Variants in FER1L5 observed in about 807,000 individuals in gnomAD.
FER1L5 encodes the protein fer-1-like protein 5.
In FER1L5, 187 loss-of-function variants were observed where a neutral mutation model predicts 279.9. That is an observed-to-expected ratio of 0.67 (90% CI 0.59 to 0.75). The LOEUF (loss-of-function observed/expected upper bound fraction) is 0.75, where lower values mean the gene tolerates loss of function less well. Among genes scored for constraint, FER1L5 ranks in the 30% least tolerant of loss-of-function variants. The pLI is 0.00. For missense variants in FER1L5, 2,091 were observed against 2,594.4 expected, an observed-to-expected ratio of 0.81 and a Z score of 4.21; for synonymous variants, 921 against 989.7, an observed-to-expected ratio of 0.93 and a Z score of 1.30.
chr2:96,685,440 G>T lies in FER1L5; in HGVS notation c.1895+11G>T, dbSNP rs1445894943. 6 of 1,547,000 alleles carry T rather than the reference G, an allele frequency of 3.9e-6. No homozygotes were observed. The South Asian group carries it at 7.2e-5, about 18-fold the overall frequency. Reference sequence around the variant, plus strand: ...GGCAGAGGACTGCAAGTAGGAGTAGGGGCACTCCGGGATACAGCTGGCCTG... The same window carrying T: ...GGCAGAGGACTGCAAGTAGGAGTAGTGGCACTCCGGGATACAGCTGGCCTG... On this transcript the variant is annotated intron_variant, in intron 21 of 52. Coordinates refer to ENST00000624922, the MANE Select transcript of FER1L5 (RefSeq NM_001293083.2).
At position 96,642,833 on chromosome 2, in the gene FER1L5, C is replaced by G. The variant is rs1486815190; in HGVS notation, c.-4C>G. On this transcript the variant is annotated 5_prime_UTR_variant, in exon 1 of 53. Coordinates refer to ENST00000624922, the MANE Select transcript of FER1L5 (RefSeq NM_001293083.2). ...GGAAGGAGGGAAGAAAGTAGGTCTC[C>G]GAGATGCTGCGGCTTGTGGTGCAGT... 1.9e-6 allele frequency: 3 copies of G among 1,550,378 alleles called. No individual in the cohort carries two copies. The highest frequency in any genetic ancestry group is 2.6e-6 in the Non-Finnish European group (3 of 1,146,402).
chr2:96,696,118 A>T, intron 37 of FER1L5, 41 bp downstream of exon 37: 1 of 1,612,170 alleles, frequency 6.2e-7, no homozygotes, highest in South Asian at 1.1e-5. Context: ...CATACTGTTG[A>T]CGGGGTATAA....
chr2:96,695,689 C>G (rs1558922315), intron 35 of FER1L5, 28 bp downstream of exon 35: 1 of 1,605,726 alleles, frequency 6.2e-7, no homozygotes, highest in African/African-American at 1.3e-5. Context: ...AGGGGCTGGG[C>G]AGCCCTCTTC....
chr2:96,690,930 C>T (rs2077117204), intron 27 of FER1L5, among the ~76,000 whole-genome samples: 1 of 152,276 alleles, frequency 6.6e-6, no homozygotes. Flanking sequence ...AAGATGCAAG[C>T]TTTGCTGCTT....
intron 1 of FER1L5, among the ~76,000 whole-genome samples, chr2:96,644,289 T>A (rs1215256887): frequency 6.7e-6 from 1 of 149,448 alleles, no homozygotes; most frequent in African/African-American, 2.5e-5. Flanking sequence ...CCATCCTGGC[T>A]AACACGGTGA....
At chr2:96,688,071 G>A in intron 24 of FER1L5, 124 bp downstream of exon 24, 2 of 1,303,370 alleles carry the variant, frequency 1.5e-6, no homozygotes, top group Non-Finnish European at 2.1e-6. Context: ...TGTAGCTGCA[G>A]TAGCCCTGCA....
At chr2:96,676,895 C>T (rs918269998) in intron 19 of FER1L5, among the ~76,000 whole-genome samples, 7 of 151,928 alleles carry the variant, frequency 4.6e-5, no homozygotes, top group African/African-American at 1.4e-4. Context: ...CTCACTCTGT[C>T]GCCCAGGCCG....
intron 1 of FER1L5, among the ~76,000 whole-genome samples, chr2:96,644,392 G>A (rs1469512892): frequency 2.0e-5 from 3 of 152,086 alleles, no homozygotes; most frequent in African/African-American, 7.2e-5. Context: ...GCTGTCAGGA[G>A]AATGGCGTGA....
intron 13 of FER1L5, among the ~76,000 whole-genome samples, chr2:96,662,648 C>T (rs932293496): frequency 1.3e-5 from 2 of 152,092 alleles, no homozygotes; most frequent in African/African-American, 2.4e-5. Context: ...TGATGGGTGT[C>T]ATGGGTAAAA....
chr2:96,701,808 C>T (rs1303902777), intron 45 of FER1L5, 147 bp from the exon 46 acceptor site: 4 of 679,218 alleles, frequency 5.9e-6, no homozygotes, highest in Admixed American at 5.7e-5. Flanking sequence ...TGGTCACCTG[C>T]GGCCTCACAG....
At position 96,663,524 on chromosome 2, in the gene FER1L5, A is replaced by T; in HGVS notation, c.1140+17A>T. On this transcript the variant is annotated intron_variant, in intron 14 of 52. Coordinates refer to ENST00000624922, the MANE Select transcript of FER1L5 (RefSeq NM_001293083.2). ...CGGATTCAGGTATGGCTCCTCCATC[A>T]TGCCCACCCTTCTCCCACATCCCCT... The T allele has an allele frequency of 6.4e-7, 1 of 1,551,098 alleles. No homozygotes were observed. Among genetic ancestry groups the T allele is most frequent in the Non-Finnish European group, 8.7e-7 (1 of 1,146,490 alleles).
Position 96,693,532 on chromosome 2 carries a change from A to C in FER1L5, c.3319A>C (p.Asn1107His). 1.9e-6 allele frequency: 3 copies of C among 1,551,024 alleles called. No homozygotes were observed. Among genetic ancestry groups the C allele is most frequent in the Non-Finnish European group, 2.6e-6 (3 of 1,146,754 alleles). ...QGPFIRVVFL[N>H]HSQCTQTLRS... Reference sequence around the variant, plus strand: ...GCCCTTCATTCGGGTGGTCTTCCTGAACCACAGCCAGTGCACCCAAACCCT... The same window carrying C: ...GCCCTTCATTCGGGTGGTCTTCCTGCACCACAGCCAGTGCACCCAAACCCT... The change falls in exon 32 of 53, where the codon AAC (asparagine) becomes CAC (histidine). Residue 1107 changes from asparagine (N) to histidine (H), a missense_variant. Transcript: ENST00000624922.
rs987068828 is a variant in FER1L5, at chr2:96,659,361, C to T, written c.748-980C>T. Among the ~76,000 whole-genome samples the T allele has an allele frequency of 1.5e-3, 98 of 66,694 alleles. 12 individuals carry two copies. The South Asian group carries it at 0.023, about 15-fold the overall frequency. The allele number at this position is 66,694 out of a possible 152,430, so 43.8% of individuals were successfully genotyped here. A position where few individuals can be genotyped will look rare whatever the true frequency, so the allele number is the denominator to read the frequency against. On this transcript the variant is annotated intron_variant, in intron 9 of 52. Transcript: ENST00000624922. ...TCCTTCCTTCCTTCCTTCCTTCCTT[C>T]CTTCTTTCTTTCTTTCTTTCTTTCT...
At chr2:96,673,337 C>T (rs2076396849) in intron 19 of FER1L5, 83 bp downstream of exon 19, 5 of 1,349,296 alleles carry the variant, frequency 3.7e-6, no homozygotes, top group Non-Finnish European at 5.0e-6. Flanking sequence ...GGTATTAGCT[C>T]ATGGAAGATT....
chr2:96,697,653 C>G lies in FER1L5; in HGVS notation c.4135-7C>G, dbSNP rs763728722. ...CCCGAGGCCAGAATGATCCTCTTCT[C>G]TGCCAGGATGAGTATGAGCATGAGG... is the stretch of plus-strand genomic sequence containing the variant. On this transcript the variant is annotated splice_region_variant and splice_polypyrimidine_tract_variant and intron_variant, in intron 38 of 52. Coordinates refer to ENST00000624922, the MANE Select transcript of FER1L5 (RefSeq NM_001293083.2). The G allele has an allele frequency of 6.2e-7, 1 of 1,614,032 alleles. No homozygotes were observed. Among genetic ancestry groups the G allele is most frequent in the East Asian group, 2.2e-5 (1 of 44,882 alleles).
rs187155661 is a variant in FER1L5 at position 96,668,888 on chromosome 2, G to T, written c.1187G>T (p.Arg396Leu). The T allele has an allele frequency of 1.3e-6, 2 of 1,551,430 alleles. No homozygotes were observed. The highest frequency in any genetic ancestry group is 1.7e-6 in the Non-Finnish European group (2 of 1,146,970). The stretch of plus-strand genomic sequence containing the variant: ...CTGAGGAGTGTGTTTCTCTCTAGCC[G>T]CAAGAAGGACTGCCCGGATGAGATT... ...SYIKFRVLDCRKKDCPDEIGT... is the reference protein window; with the variant it reads ...SYIKFRVLDCLKKDCPDEIGT... Residue 396 changes from arginine (R) to leucine (L), a missense_variant and splice_region_variant, in exon 16 of 53, where the codon CGC becomes CTC. Transcript: ENST00000624922.
rs538149216 is a variant in FER1L5 at position 96,697,968 on chromosome 2, C to A, written c.4237-69C>A. 1.1e-5 allele frequency: 16 copies of A among 1,515,596 alleles called. No individual in the cohort carries two copies. The Admixed American group carries it at 2.1e-4, about 20-fold the overall frequency. The allele number at this position is 1,515,596 out of a possible 1,614,324, so 93.9% of individuals were successfully genotyped here. A position where few individuals can be genotyped will look rare whatever the true frequency, so the allele number is the denominator to read the frequency against. ...GATGCTTTGGAGTGAGACCTGGGAG[C>A]TGGTGGTCCCTCCATCTCCTAATCA... On this transcript the variant is annotated intron_variant, in intron 39 of 52. Coordinates refer to ENST00000624922, the MANE Select transcript of FER1L5 (RefSeq NM_001293083.2).
intron 1 of FER1L5, among the ~76,000 whole-genome samples, chr2:96,645,283 C>T (rs928032989): frequency 3.3e-5 from 5 of 152,184 alleles, no homozygotes; most frequent in African/African-American, 1.2e-4. Context: ...GTAGCTCCTA[C>T]AAATGGTAGT....
Position 96,661,168 on chromosome 2 carries a change from G to A in FER1L5, c.779-157G>A, listed in dbSNP as rs114532459. On this transcript the variant is annotated intron_variant, in intron 10 of 52. Transcript: ENST00000624922. Reference sequence around the variant, plus strand: ...CTTGTGAGCACGCTATCATTGCTTCGTGGTACGAGTGACTCCCCTTTTCCT... The same window carrying A: ...CTTGTGAGCACGCTATCATTGCTTCATGGTACGAGTGACTCCCCTTTTCCT... Among the ~76,000 whole-genome samples the A allele has an allele frequency of 1.1e-3, 160 of 152,228 alleles. 1 individual carries two copies. Among genetic ancestry groups the A allele is most frequent in the African/African-American group, 3.6e-3 (150 of 41,546 alleles).
Sources: allele counts gnomAD v4.1 joint callset (sites outside exome capture counted in the v4.1 genomes callset), GRCh38; gene constraint gnomAD v4.1.1; transcripts MANE v1.5; gene names NCBI Gene and HGNC (gene_info 2026-07-23, HGNC 2026-07-21).